The following L3MBTL4 variants were observed in gnomAD, a reference collection of about 807,000 sequenced individuals.
The protein encoded by L3MBTL4 is L3MBTL histone methyl-lysine binding protein 4.
L3MBTL4 carries 70 observed loss-of-function variants against 84.5 expected under a neutral mutation model. That is an observed-to-expected ratio of 0.83 (90% CI 0.68 to 1.01). The LOEUF (loss-of-function observed/expected upper bound fraction) is 1.01. L3MBTL4 is among the 50% of genes least tolerant of loss of function. L3MBTL4 has a pLI of 0.00. For synonymous variants in L3MBTL4, 274 were observed against 259.8 expected (o/e 1.05, Z -0.52); for missense variants, 715 against 754.8 (o/e 0.95, Z 0.62).
At chr18:6,084,499 CA>C (rs1438887104) in intron 15 of L3MBTL4, among the ~76,000 whole-genome samples, 1 of 152,286 alleles carries the variant, frequency 6.6e-6, no homozygotes, top group East Asian at 1.9e-4. Context: ...CAAACTGCCA[CA>C]ATAACTGTGT....
At chr18:6,108,804 A>G (rs2059097122) in intron 14 of L3MBTL4, among the ~76,000 whole-genome samples, 1 of 152,210 alleles carries the variant, frequency 6.6e-6, no homozygotes, top group Admixed American at 6.5e-5. Context: ...TCAAACAATT[A>G]AAAATAACAC....
At chr18:6,189,235 TC>T (rs111319181) in intron 12 of L3MBTL4, among the ~76,000 whole-genome samples, 518 of 152,310 alleles carry the variant, frequency 3.4e-3, no homozygotes, top group African/African-American at 0.012. Flanking sequence ...AGGATACTTG[TC>T]ATTGGATTTA....
intron 16 of L3MBTL4, chr18:6,030,902 C>T: frequency 3.0e-6 from 3 of 985,182 alleles, no homozygotes; most frequent in Non-Finnish European, 3.6e-6. Flanking sequence ...AAATTACACC[C>T]AGAGGTTTTT....
At position 6,197,042 on chromosome 18, in the gene L3MBTL4, G is replaced by A. The variant is rs1295126932; in HGVS notation, c.981+16107C>T. Among the ~76,000 whole-genome samples, 3 of 152,162 alleles carry A rather than the reference G, an allele frequency of 2.0e-5. No homozygotes were observed. The South Asian group carries it at 6.2e-4, about 32-fold the overall frequency. ...GCTTACAGATAAAACTAGAAAAGTG[G>A]GTCTAAGCCAGATAGCTATGGTAGT... On this transcript the variant is annotated intron_variant, in intron 12 of 18. Transcript: ENST00000317931.
chr18:6,207,241 A>G (rs2045914707), intron 12 of L3MBTL4, among the ~76,000 whole-genome samples: 1 of 152,318 alleles, frequency 6.6e-6, no homozygotes, highest in African/African-American at 2.4e-5. Context: ...CATGGCCCAC[A>G]AAGCCTGAAA....
At chr18:6,177,321 A>C (rs1204999726) in intron 12 of L3MBTL4, among the ~76,000 whole-genome samples, 2 of 152,232 alleles carry the variant, frequency 1.3e-5, no homozygotes, top group Admixed American at 1.3e-4. Context: ...ACATGCATGA[A>C]CATGGGAACA....
chr18:6,037,260 A>G (rs1057201987), intron 16 of L3MBTL4, among the ~76,000 whole-genome samples: 1 of 152,234 alleles, frequency 6.6e-6, no homozygotes, highest in Non-Finnish European at 1.5e-5. Context: ...GAAATGGGTA[A>G]CTACTACTGT....
chr18:6,005,375 G>A (rs1266401745), intron 16 of L3MBTL4, among the ~76,000 whole-genome samples: 1 of 136,130 alleles, frequency 7.3e-6, no homozygotes. Context: ...GCACATGTAC[G>A]GGTTTGTTAT....
At chr18:6,133,744 C>T (rs1341696011) in intron 14 of L3MBTL4, among the ~76,000 whole-genome samples, 2 of 152,088 alleles carry the variant, frequency 1.3e-5, no homozygotes, top group Non-Finnish European at 2.9e-5. Flanking sequence ...CTGGGAGGTG[C>T]CAGGGAAAGG....
intron 1 of L3MBTL4, among the ~76,000 whole-genome samples, chr18:6,402,867 C>T (rs187588215): frequency 1.9e-4 from 29 of 152,174 alleles, no homozygotes; most frequent in Admixed American, 3.3e-4. Context: ...AAACTCTGAG[C>T]GAAAGTAATT....
chr18:6,304,022 A>C (rs558319635), intron 3 of L3MBTL4, among the ~76,000 whole-genome samples: 15 of 144,050 alleles, frequency 1.0e-4, no homozygotes, highest in Non-Finnish European at 2.0e-4. Context: ...CTCAAAAAAA[A>C]AAAAAAACAA....
intron 10 of L3MBTL4, among the ~76,000 whole-genome samples, chr18:6,217,740 A>T (rs115432410): frequency 0.011 from 1,661 of 152,222 alleles, 31 homozygotes; most frequent in African/African-American, 0.037. Flanking sequence ...CTTTCTATTT[A>T]TTCTTGATAT....
intron 4 of L3MBTL4, among the ~76,000 whole-genome samples, chr18:6,272,123 A>C (rs552263006): frequency 7.0e-4 from 106 of 152,268 alleles, no homozygotes; most frequent in Admixed American, 2.4e-3. Flanking sequence ...AGGGAAATGC[A>C]CCCAGAGAGA....
chr18:6,073,798 T>C (rs2057768525), intron 16 of L3MBTL4, among the ~76,000 whole-genome samples: 2 of 152,210 alleles, frequency 1.3e-5, no homozygotes, highest in Admixed American at 6.5e-5. Context: ...GTAAAAGTAA[T>C]ATTTAATTAG....
chr18:5,990,765 ATGTGGGTGTGTGTG>A (rs2053655684), intron 16 of L3MBTL4, among the ~76,000 whole-genome samples: 1 of 130,942 alleles, frequency 7.6e-6, no homozygotes, highest in South Asian at 2.5e-4. Flanking sequence ...AGTAGGGTTC[ATGTGGGTGTGTGTG>A]TGTGTGTGTG....
intron 1 of L3MBTL4, chr18:6,396,116 C>T (rs1382171215): frequency 1.3e-5 from 2 of 152,184 alleles, no homozygotes; most frequent in Non-Finnish European, 2.9e-5. Context: ...CATTCTGAAA[C>T]TGAATTTTCT....
At chr18:6,094,860 C>A (rs1182851280) in intron 14 of L3MBTL4, among the ~76,000 whole-genome samples, 1 of 152,098 alleles carries the variant, frequency 6.6e-6, no homozygotes, top group African/African-American at 2.4e-5. Context: ...ATGATATCAG[C>A]CTGGCCCAGC....
rs1311670742 is a variant in L3MBTL4 at position 6,022,063 on chromosome 18, A to G, written c.1445-52501T>C. On this transcript the variant is annotated intron_variant, in intron 16 of 18. Transcript: ENST00000317931. Reference sequence around the variant, plus strand: ...TACCCTGGGCCAATTTCTAATAAACATTTTCTCTGTGATTTTTGGTAGGAA... The same window carrying G: ...TACCCTGGGCCAATTTCTAATAAACGTTTTCTCTGTGATTTTTGGTAGGAA... Among the ~76,000 whole-genome samples the G allele has an allele frequency of 3.9e-5, 6 of 152,012 alleles. No individual in the cohort carries two copies. The East Asian group carries it at 1.2e-3, about 29-fold the overall frequency.
intron 18 of L3MBTL4, among the ~76,000 whole-genome samples, chr18:5,958,106 G>GAAGAAGAAGAAGAAGAAGAAGAAA (rs1355648591): frequency 1.2e-3 from 107 of 91,496 alleles, no homozygotes; most frequent in Non-Finnish European, 1.6e-3. Flanking sequence ...AGAAGAAGAA[G>GAAGAAGAAGAAGAAGAAGAAGAAA]AAGAAGAAGA....
Sources: allele counts gnomAD v4.1 joint callset (sites outside exome capture counted in the v4.1 genomes callset), GRCh38; gene constraint gnomAD v4.1.1; transcripts MANE v1.5; gene names NCBI Gene and HGNC (gene_info 2026-07-23, HGNC 2026-07-21).